Variants in EPSTI1 observed in about 807,000 individuals in gnomAD.
EPSTI1 encodes the protein epithelial stromal interaction 1, also known as epithelial-stromal interaction protein 1.
In EPSTI1, 66 loss-of-function variants were observed where a neutral mutation model predicts 49.9. The observed-to-expected ratio is 1.32, with a 90% confidence interval of 1.08 to 1.62. EPSTI1 has a LOEUF of 1.62. Ranked by LOEUF, EPSTI1 falls within the 40% of genes most tolerant of loss-of-function variation. The pLI, the probability that EPSTI1 is intolerant of heterozygous loss-of-function variation, is 0.00. For missense variants in EPSTI1, 394 were observed against 365.5 expected, an observed-to-expected ratio of 1.08 and a Z score of -0.64; for synonymous variants, 137 against 130.7, an observed-to-expected ratio of 1.05 and a Z score of -0.33.
intron 7 of EPSTI1, among the ~76,000 whole-genome samples, chr13:42,919,540 T>C (rs1301096737): frequency 6.6e-6 from 1 of 152,236 alleles, no homozygotes; most frequent in African/African-American, 2.4e-5. Context: ...CTCATTCTAT[T>C]AACAGTGTTT....
intron 8 of EPSTI1, among the ~76,000 whole-genome samples, chr13:42,916,949 T>A (rs1385152317): frequency 1.3e-5 from 2 of 152,190 alleles, no homozygotes; most frequent in Non-Finnish European, 2.9e-5. Context: ...TATTTTCAGT[T>A]ACCATACCAG....
At chr13:42,894,936 CA>C in intron 10 of EPSTI1, 72 bp downstream of exon 10, 2 of 1,360,880 alleles carry the variant, frequency 1.5e-6, no homozygotes, top group Non-Finnish European at 1.0e-6. Context: ...AAGGCCAAAA[CA>C]TATATTAAAA....
chr13:42,911,270 C>T lies in EPSTI1; in HGVS notation c.741+6271G>A, dbSNP rs931360282. On this transcript the variant is annotated intron_variant, in intron 8 of 10. Coordinates refer to ENST00000313624, the MANE Select transcript of EPSTI1 (RefSeq NM_033255.5). ...GTGTGTGTGTGTGTGTGTGTGCGCGCGCACGCGCGCACACGTGTGTGAGTG... is the reference window on the plus strand; with the variant it reads ...GTGTGTGTGTGTGTGTGTGTGCGCGTGCACGCGCGCACACGTGTGTGAGTG... Among the ~76,000 whole-genome samples, 285 of 110,424 alleles carry T rather than the reference C, an allele frequency of 2.6e-3. 1 individual carries two copies. Among genetic ancestry groups the T allele is most frequent in the Non-Finnish European group, 4.1e-3 (202 of 48,734 alleles). The allele number at this position is 110,424 out of a possible 152,430, so 72.4% of individuals were successfully genotyped here.
At chr13:42,921,934 A>T (rs1437745136) in intron 7 of EPSTI1, among the ~76,000 whole-genome samples, 1 of 152,224 alleles carries the variant, frequency 6.6e-6, no homozygotes, top group Non-Finnish European at 1.5e-5. Flanking sequence ...TTGCGTCAAG[A>T]GGCATTTTGT....
intron 6 of EPSTI1, among the ~76,000 whole-genome samples, chr13:42,928,708 A>G (rs931561439): frequency 2.6e-5 from 4 of 152,220 alleles, no homozygotes; most frequent in African/African-American, 9.6e-5. Context: ...GTTGTAGCAG[A>G]CTGCTAAATG....
At chr13:42,921,918 A>G (rs894193909) in intron 7 of EPSTI1, among the ~76,000 whole-genome samples, 1 of 152,224 alleles carries the variant, frequency 6.6e-6, no homozygotes, top group East Asian at 1.9e-4. Flanking sequence ...AAAATTGTTT[A>G]GAAATTTGCG....
rs79781099 is a variant in EPSTI1, at chr13:42,985,841, A to C, written c.188+6137T>G. ...GTTGTTGCTCACTAGCCCAGCTTTG[A>C]GCTGTCCAATGGACAACCCCAGATT... On this transcript the variant is annotated intron_variant, in intron 1 of 10. Transcript: ENST00000313624. 7.5e-3 allele frequency among the ~76,000 whole-genome samples: 1,142 copies of C among 152,308 alleles called. 29 individuals are homozygous for C. Among genetic ancestry groups the C allele is most frequent in the East Asian group, 0.065 (336 of 5,186 alleles).
intron 6 of EPSTI1, among the ~76,000 whole-genome samples, chr13:42,928,800 T>G (rs1279588066): frequency 6.6e-6 from 1 of 152,218 alleles, no homozygotes; most frequent in Non-Finnish European, 1.5e-5. Flanking sequence ...AGGTTGGCTA[T>G]ATGATTGAGT....
rs764272606 is a variant in EPSTI1 at position 42,900,371 on chromosome 13, C to G, written c.754G>C (p.Glu252Gln). 2 of 1,613,330 alleles carry G rather than the reference C, an allele frequency of 1.2e-6. No homozygotes were observed. The highest frequency in any genetic ancestry group is 1.7e-6 in the Non-Finnish European group (2 of 1,179,648). Residue 252 changes from glutamate to glutamine, a missense_variant, in exon 9 of 11, where the codon GAA becomes CAA. Coordinates refer to ENST00000313624, the MANE Select transcript of EPSTI1 (RefSeq NM_033255.5). ...DEQHQKSELL[E>Q]LKRQQQEQER... is the part of the protein sequence containing the mutation. The stretch of plus-strand genomic sequence containing the variant: ...TGCTCTTGCTGCTGCCGTTTCAGTT[C>G]CAGTAATTCACTCTAGGAACAATAA...
Position 42,922,428 on chromosome 13 carries a change from G to A in EPSTI1, c.657+3908C>T, listed in dbSNP as rs538339347. On this transcript the variant is annotated intron_variant, in intron 7 of 10. Transcript: ENST00000313624. This position sits in a 1 kb window ranked among gnomAD's most constrained non-coding sequence, Gnocchi z 4.8. ...AAGGTCAGGGAGGGTGCAGAAGGTT[G>A]GGTGAGATGGAAGCTAAACTGGAGC... is the stretch of plus-strand genomic sequence containing the variant. Among the ~76,000 whole-genome samples the A allele has an allele frequency of 3.3e-5, 5 of 152,186 alleles. No homozygotes were observed. The highest frequency in any genetic ancestry group is 7.3e-5 in the Non-Finnish European group (5 of 68,034).
At chr13:42,985,897 T>A (rs2040068869) in intron 1 of EPSTI1, among the ~76,000 whole-genome samples, 1 of 152,176 alleles carries the variant, frequency 6.6e-6, no homozygotes, top group African/African-American at 2.4e-5. Context: ...TGAATCCCCT[T>A]AAAAACCCTT....
intron 6 of EPSTI1, among the ~76,000 whole-genome samples, chr13:42,936,382 A>G (rs372994223): frequency 6.6e-6 from 1 of 152,222 alleles, no homozygotes; most frequent in Non-Finnish European, 1.5e-5. Context: ...GTCCAATTCA[A>G]TCAAGCTCCA....
At chr13:42,904,478 T>C (rs1423660778) in intron 8 of EPSTI1, among the ~76,000 whole-genome samples, 1 of 152,242 alleles carries the variant, frequency 6.6e-6, no homozygotes, top group Non-Finnish European at 1.5e-5. Context: ...TGAAACCTAA[T>C]TTAGTTTTTG....
At chr13:42,973,823 T>C (rs2039819179) in intron 1 of EPSTI1, among the ~76,000 whole-genome samples, 1 of 152,192 alleles carries the variant, frequency 6.6e-6, no homozygotes, top group Admixed American at 6.5e-5. Flanking sequence ...TGTCATTTCC[T>C]GATTAAGCAA....
At chr13:42,937,474 A>T (rs529246739) in intron 6 of EPSTI1, among the ~76,000 whole-genome samples, 1 of 152,340 alleles carries the variant, frequency 6.6e-6, no homozygotes, top group Admixed American at 6.5e-5. Context: ...AATGGAAGTC[A>T]ATCTCTTAAA....
At chr13:42,935,841 C>T (rs1041714051) in intron 6 of EPSTI1, among the ~76,000 whole-genome samples, 12 of 152,170 alleles carry the variant, frequency 7.9e-5, no homozygotes, top group Admixed American at 6.5e-5. Context: ...ATCCACCTGC[C>T]TCAGCCTCCC....
intron 5 of EPSTI1, among the ~76,000 whole-genome samples, chr13:42,960,964 C>A (rs970149174): frequency 5.3e-5 from 8 of 152,202 alleles, no homozygotes; most frequent in African/African-American, 1.7e-4. Context: ...TGACCTTAAT[C>A]CCCTTACCCA....
chr13:42,908,818 C>T (rs2153414993), intron 8 of EPSTI1, among the ~76,000 whole-genome samples: 1 of 152,024 alleles, frequency 6.6e-6, no homozygotes, highest in South Asian at 2.1e-4. Flanking sequence ...CGCAGTGGCT[C>T]ATGCCTATAA....
intron 7 of EPSTI1, among the ~76,000 whole-genome samples, chr13:42,920,434 A>G (rs1159629143): frequency 6.6e-6 from 1 of 152,188 alleles, no homozygotes; most frequent in Non-Finnish European, 1.5e-5. Flanking sequence ...AAAAGAGCAA[A>G]CCTGAAGACT....
Sources: gnomAD v4.1 joint callset for allele counts (sites outside exome capture counted in the v4.1 genomes callset) on GRCh38, gnomAD v4.1.1 for gene constraint, Gnocchi (gnomAD v3.1) non-coding constraint, MANE v1.5 for transcripts, NCBI Gene and HGNC (gene_info 2026-07-23, HGNC 2026-07-21) for gene names.